VIT: variants seen among roughly 807,000 people sequenced by gnomAD.
The protein encoded by VIT is vitrin.
In VIT, 99 loss-of-function variants were observed where a neutral mutation model predicts 78.0. The ratio of observed to expected loss-of-function variants is 1.27; its 90% CI spans 1.08 to 1.50. The LOEUF (loss-of-function observed/expected upper bound fraction) is 1.50, where lower values mean the gene tolerates loss of function less well. Among genes scored for constraint, VIT ranks in the 40% most tolerant of loss-of-function variants. The pLI is 0.00. For missense variants in VIT, 1,126 were observed against 875.3 expected (o/e 1.29, Z -3.61); for synonymous variants, 374 against 334.3 (o/e 1.12, Z -1.29).
In VIT at chr2:36,808,740, A is replaced by C. The variant is rs1410825327; in HGVS notation, c.1658A>C (p.Gln553Pro). 1 of 1,614,248 alleles carries C rather than the reference A, an allele frequency of 6.2e-7. No homozygotes were observed. ...SDTDTRIGAV[Q>P]YTYEQRLEFG... ...ACGGACACGCGCATCGGGGCCGTGC[A>C]GTACACCTACGAACAGCGGCTGGAG... Residue 553 changes from glutamine (Q) to proline (P), a missense_variant, in exon 15 of 16, where the codon CAG becomes CCG. Transcript: ENST00000379242.
chr2:36,760,853 T>G (rs1669074319), intron 6 of VIT, among the ~76,000 whole-genome samples: 1 of 152,156 alleles, frequency 6.6e-6, no homozygotes, highest in African/African-American at 2.4e-5. Context: ...GCCAGGCTTC[T>G]CTTTGGCACC....
intron 3 of VIT, among the ~76,000 whole-genome samples, chr2:36,737,507 T>C (rs1469776966): frequency 6.6e-6 from 1 of 152,122 alleles, no homozygotes; most frequent in Non-Finnish European, 1.5e-5. Flanking sequence ...TACTTTGGAG[T>C]CTGTTGAAAT....
chr2:36,754,773 G>T, intron 4 of VIT, 148 bp from the exon 5 acceptor site: 1 of 761,008 alleles, frequency 1.3e-6, no homozygotes, highest in Non-Finnish European at 2.0e-6. Context: ...CACCATTCTT[G>T]TGGGTTGGGC....
chr2:36,790,741 A>C (rs1665431732), intron 12 of VIT, among the ~76,000 whole-genome samples: 1 of 152,242 alleles, frequency 6.6e-6, no homozygotes, highest in Middle Eastern at 3.2e-3. Context: ...GCCAGGAAAG[A>C]GTCTGGTAAT....
chr2:36,703,775 G>C (rs1016242932), intron 1 of VIT, among the ~76,000 whole-genome samples: 19 of 152,174 alleles, frequency 1.2e-4, no homozygotes, highest in African/African-American at 1.7e-4. Flanking sequence ...TAAAAACAAA[G>C]ATAAAATCAT....
At chr2:36,803,725 T>C (rs1572571544) in intron 13 of VIT, among the ~76,000 whole-genome samples, 1 of 152,194 alleles carries the variant, frequency 6.6e-6, no homozygotes, top group Non-Finnish European at 1.5e-5. Flanking sequence ...TACCAGCTAG[T>C]GGAGACAGGA....
chr2:36,753,777 G>C (rs1209195992), intron 4 of VIT, among the ~76,000 whole-genome samples: 1 of 152,198 alleles, frequency 6.6e-6, no homozygotes, highest in East Asian at 1.9e-4. Flanking sequence ...ATCACAGGGA[G>C]CCCGGAGAGA....
intron 3 of VIT, among the ~76,000 whole-genome samples, chr2:36,734,366 G>T (rs763267748): frequency 6.6e-6 from 1 of 152,046 alleles, no homozygotes; most frequent in Non-Finnish European, 1.5e-5. Context: ...CAAGGAGAAG[G>T]TAGTTTGGTA....
intron 9 of VIT, among the ~76,000 whole-genome samples, chr2:36,778,200 A>C (rs1670185412): frequency 6.6e-6 from 1 of 152,224 alleles, no homozygotes; most frequent in Non-Finnish European, 1.5e-5. Context: ...AGTATTTTCA[A>C]ATTCTAGAAT....
intron 3 of VIT, among the ~76,000 whole-genome samples, chr2:36,739,742 G>C (rs573709896): frequency 6.6e-6 from 1 of 152,258 alleles, no homozygotes; most frequent in Admixed American, 6.5e-5. Flanking sequence ...ATATGAGACG[G>C]TGGGTGGGTG....
chr2:36,747,340 C>G (rs1366267217), intron 4 of VIT, among the ~76,000 whole-genome samples: 1 of 152,118 alleles, frequency 6.6e-6, no homozygotes, highest in Admixed American at 6.5e-5. Flanking sequence ...GAGTGTAAGT[C>G]CAGAATTTCT....
chr2:36,716,577 A>G (rs1666149825), intron 2 of VIT, among the ~76,000 whole-genome samples, 155 bp downstream of exon 2: 1 of 152,232 alleles, frequency 6.6e-6, no homozygotes, highest in South Asian at 2.1e-4. Flanking sequence ...TTTAAGTAAG[A>G]ATGTTAAGCA....
rs1461458677 is a variant in VIT at position 36,755,827 on chromosome 2, T to C, written c.409+773T>C. On this transcript the variant is annotated intron_variant, in intron 5 of 15. Coordinates refer to ENST00000379242, the MANE Select transcript of VIT (RefSeq NM_053276.4). ...GTGGACTATGGATTCATAGATTGTT[T>C]TTAAAAATATAATGTTATCATCTAT... is the stretch of plus-strand genomic sequence containing the variant. Among the ~76,000 whole-genome samples the C allele has an allele frequency of 2.6e-5, 4 of 152,348 alleles. No individual in the cohort carries two copies. In the East Asian group the frequency reaches 7.7e-4, roughly 29 times the overall value.
chr2:36,801,272 A>C, intron 12 of VIT, 29 bp from the exon 13 acceptor site: 1 of 1,575,348 alleles, frequency 6.3e-7, no homozygotes, highest in African/African-American at 1.4e-5. Context: ...CTTTGCAGCT[A>C]ATTTGTATTT....
intron 11 of VIT, 89 bp from the exon 12 acceptor site, chr2:36,787,040 G>A (rs1665143307): frequency 1.3e-6 from 2 of 1,497,626 alleles, no homozygotes; most frequent in South Asian, 2.4e-5. Flanking sequence ...TTTCTCAGGG[G>A]GCTCTGATGG....
intron 5 of VIT, among the ~76,000 whole-genome samples, chr2:36,757,612 G>T (rs1328668786): frequency 6.6e-6 from 1 of 152,222 alleles, no homozygotes; most frequent in Non-Finnish European, 1.5e-5. Context: ...GACATTGGTG[G>T]AGGACTTGGA....
At chr2:36,737,497 T>G (rs1667578456) in intron 3 of VIT, among the ~76,000 whole-genome samples, 7 of 152,240 alleles carry the variant, frequency 4.6e-5, no homozygotes, top group Admixed American at 4.6e-4. Context: ...TATTTCCATT[T>G]ACTTTGGAGT....
intron 3 of VIT, among the ~76,000 whole-genome samples, chr2:36,732,754 T>C (rs551179017): frequency 6.6e-5 from 10 of 152,286 alleles, no homozygotes; most frequent in Non-Finnish European, 1.3e-4. Context: ...GCAATGATAA[T>C]GTCCACATAA....
intron 2 of VIT, among the ~76,000 whole-genome samples, chr2:36,721,100 C>T (rs1008318795): frequency 3.3e-5 from 5 of 151,826 alleles, no homozygotes; most frequent in African/African-American, 9.7e-5. Flanking sequence ...CTTATAAAAC[C>T]GCATTGTTTA....
Sources: gnomAD v4.1 joint callset for allele counts (sites outside exome capture counted in the v4.1 genomes callset) on GRCh38, gnomAD v4.1.1 for gene constraint, MANE v1.5 for transcripts, NCBI Gene and HGNC (gene_info 2026-07-23, HGNC 2026-07-21) for gene names.